The following OSMR variants were observed in gnomAD, a reference collection of about 807,000 sequenced individuals.
The protein encoded by OSMR is oncostatin-M-specific receptor subunit beta.
Under a neutral mutation model 99.9 loss-of-function variants are expected in OSMR, and 81 were observed. The observed-to-expected ratio is 0.81, with a 90% CI of 0.68 to 0.97. OSMR has a LOEUF of 0.97. Among genes scored for constraint, OSMR ranks in the 50% least tolerant of loss-of-function variants. OSMR has a pLI of 0.00. For missense variants in OSMR, 1,099 were observed against 1,153.4 expected, an observed-to-expected ratio of 0.95 and a Z score of 0.68; for synonymous variants, 406 against 410.4, an observed-to-expected ratio of 0.99 and a Z score of 0.13.
At chr5:38,904,282 G>A in intron 8 of OSMR, 71 bp from the exon 9 acceptor site, 1 of 1,555,996 alleles carries the variant, frequency 6.4e-7, no homozygotes. Context: ...CTTTGTAATG[G>A]GATGCACTCA....
Position 38,924,414 on chromosome 5 carries a change from T to C in OSMR, c.1871-8T>C, listed in dbSNP as rs1464653985. 6.8e-6 allele frequency: 11 copies of C among 1,614,144 alleles called. No homozygotes were observed. The highest frequency in any genetic ancestry group is 9.3e-6 in the Non-Finnish European group (11 of 1,179,990). ...TGACTTTTCTCTTATCCCAACTTCT[T>C]TTCCTAGCTCCTTCAGACAACCCTC... On this transcript the variant is annotated splice_region_variant and splice_polypyrimidine_tract_variant and intron_variant, in intron 13 of 17. Transcript: ENST00000274276.
intron 9 of OSMR, among the ~76,000 whole-genome samples, chr5:38,911,607 A>G (rs1306969866): frequency 6.6e-6 from 1 of 152,182 alleles, no homozygotes; most frequent in African/African-American, 2.4e-5. Context: ...GAGACACAAC[A>G]AAAAGAGAAA....
At chr5:38,935,844 G>A (rs114371591), downstream of OSMR, among the ~76,000 whole-genome samples, 485 of 152,022 alleles carry the variant, frequency 3.2e-3, 6 homozygotes, top group African/African-American at 0.011. Context: ...TAAACTTTGA[G>A]AATCACTCGC....
At chr5:38,863,755 T>C (rs1741705762) in intron 1 of OSMR, among the ~76,000 whole-genome samples, 1 of 152,232 alleles carries the variant, frequency 6.6e-6, no homozygotes, top group African/African-American at 2.4e-5. Flanking sequence ...GAGAAAGGGA[T>C]ACTGAAATCC....
At chr5:38,908,188 A>G (rs1384849043) in intron 9 of OSMR, among the ~76,000 whole-genome samples, 1 of 152,146 alleles carries the variant, frequency 6.6e-6, no homozygotes, top group Non-Finnish European at 1.5e-5. Flanking sequence ...GCCAATGTGA[A>G]TGCATGCATG....
chr5:38,887,907 TG>T (rs1743894214), intron 7 of OSMR, among the ~76,000 whole-genome samples: 1 of 152,198 alleles, frequency 6.6e-6, no homozygotes. Context: ...GCATATTTTT[TG>T]TGCTACTGAT....
rs1746241394 is a variant in OSMR at position 38,921,674 on chromosome 5, C to T, written c.1645C>T (p.Pro549Ser). The T allele has an allele frequency of 1.4e-5, 22 of 1,614,032 alleles. No homozygotes were observed. Among genetic ancestry groups the T allele is most frequent in the Non-Finnish European group, 1.7e-5 (20 of 1,180,022 alleles). The change falls in exon 12 of 18, where the codon CCC becomes TCC. Residue 549 changes from proline (P) to serine (S), a missense_variant. By Grantham distance (74) the Pro-to-Ser change is moderately conservative. Coordinates refer to ENST00000274276, the MANE Select transcript of OSMR (RefSeq NM_003999.3). ...GGGTGGATTCTCTCTGTCTTGGAAA[C>T]CCCAACCTGGAGATGTTATAGGCTA... Reference protein sequence around the residue: ...TEGGFSLSWKPQPGDVIGYVV... With the variant: ...TEGGFSLSWKSQPGDVIGYVV...
chr5:38,907,255 G>A (rs1407612295), intron 9 of OSMR, among the ~76,000 whole-genome samples: 1 of 152,202 alleles, frequency 6.6e-6, no homozygotes. Context: ...GCAACTCCTG[G>A]GGAAGGGGTT....
chr5:38,878,991 G>A (rs1365019422), intron 3 of OSMR, among the ~76,000 whole-genome samples: 1 of 152,200 alleles, frequency 6.6e-6, no homozygotes, highest in Non-Finnish European at 1.5e-5. Flanking sequence ...TCAGCGCTGA[G>A]CACACTGGAA....
chr5:38,935,349 GC>G lies in OSMR; in HGVS notation c.*1907del, dbSNP rs1336364906. On this transcript the variant is annotated 3_prime_UTR_variant, in exon 18 of 18. Transcript: ENST00000274276. The stretch of plus-strand genomic sequence containing the variant: ...AATAAACCTACACAAACCAGTACTT[GC>G]CTTTTGCTGGAAACATTGATTATGT... 1.8e-4 allele frequency: 28 copies of G among 152,242 alleles called. No homozygotes were observed. In the Middle Eastern group the frequency reaches 0.01, roughly 55 times the overall value. The allele number at this position is 152,242 out of a possible 1,614,324, so 9.4% of individuals were successfully genotyped here.
chr5:38,901,518 A>G (rs1455505809), intron 7 of OSMR, among the ~76,000 whole-genome samples: 4 of 152,190 alleles, frequency 2.6e-5, no homozygotes, highest in Non-Finnish European at 5.9e-5. Context: ...AGTGTCATGT[A>G]TGGTGCTCTG....
At chr5:38,921,879 T>G in intron 12 of OSMR, 85 bp downstream of exon 12, 1 of 1,143,332 alleles carries the variant, frequency 8.7e-7, no homozygotes, top group Non-Finnish European at 1.3e-6. Context: ...TTCACAGACT[T>G]TGACTGTGCT....
chr5:38,863,166 G>A (rs1286100978), intron 1 of OSMR, among the ~76,000 whole-genome samples: 90 of 134,648 alleles, frequency 6.7e-4, no homozygotes, highest in Non-Finnish European at 1.3e-3. Context: ...AAGAGGGAGA[G>A]GGAGACCGTG....
chr5:38,853,492 G>A (rs1220714392), intron 1 of OSMR, among the ~76,000 whole-genome samples: 1 of 150,748 alleles, frequency 6.6e-6, no homozygotes, highest in Non-Finnish European at 1.5e-5. Context: ...CAGAGTCCAT[G>A]GTACTTAATT....
At chr5:38,938,155 G>A, downstream of OSMR, 1 of 216,848 alleles carries the variant, frequency 4.6e-6, no homozygotes, top group South Asian at 1.9e-4. Context: ...CTATGTTACA[G>A]TTATACAATA....
At chr5:38,874,437 A>G (rs1579675108) in intron 2 of OSMR, among the ~76,000 whole-genome samples, 1 of 152,122 alleles carries the variant, frequency 6.6e-6, no homozygotes, top group East Asian at 1.9e-4. Context: ...TGTTCATCTC[A>G]CTTTCATAGA....
intron 15 of OSMR, among the ~76,000 whole-genome samples, chr5:38,931,344 A>G (rs751847651): frequency 1.3e-5 from 2 of 152,192 alleles, no homozygotes; most frequent in Admixed American, 1.3e-4. Flanking sequence ...CTGGACTCCA[A>G]GCTTCAGTCA....
chr5:38,873,351 A>C (rs1742538756), intron 2 of OSMR, among the ~76,000 whole-genome samples: 2 of 152,214 alleles, frequency 1.3e-5, no homozygotes, highest in African/African-American at 4.8e-5. Context: ...TGAAAGTTTC[A>C]GTTGTTTCCA....
chr5:38,942,553 T>C (rs533734343), intron 1 of OSMR, among the ~76,000 whole-genome samples: 7 of 151,028 alleles, frequency 4.6e-5, no homozygotes, highest in Middle Eastern at 6.8e-3. Flanking sequence ...TGGGTTCATA[T>C]GATCCTCCCA....
Sources: allele counts gnomAD v4.1 joint callset (sites outside exome capture counted in the v4.1 genomes callset), GRCh38; gene constraint gnomAD v4.1.1; transcripts MANE v1.5; gene names NCBI Gene and HGNC (gene_info 2026-07-23, HGNC 2026-07-21).